DNAAF5: variants seen among roughly 807,000 people sequenced by gnomAD.
DNAAF5 encodes the protein dynein axonemal assembly factor 5, also known as HEAT repeat containing 2.
In DNAAF5, 64 loss-of-function variants were observed where a neutral mutation model predicts 75.8. That is an observed-to-expected ratio of 0.84 (90% CI 0.69 to 1.04). DNAAF5 has a LOEUF of 1.04. Ranked by LOEUF, DNAAF5 falls within the 50% of genes least tolerant of loss-of-function variation. The pLI, the probability that DNAAF5 is intolerant of heterozygous loss-of-function variation, is 0.00. For missense variants in DNAAF5, 1,269 were observed against 1,178.5 expected, an observed-to-expected ratio of 1.08 and a Z score of -1.12; for synonymous variants, 657 against 557.2, an observed-to-expected ratio of 1.18 and a Z score of -2.52.
chr7:778,883 G>T (rs1319407807), intron 11 of DNAAF5, among the ~76,000 whole-genome samples: 8 of 152,114 alleles, frequency 5.3e-5, no homozygotes, highest in Admixed American at 1.3e-4. Flanking sequence ...GAGCATACCC[G>T]CTGTGCAGTG....
chr7:778,073 A>C (rs958296608), intron 11 of DNAAF5: 1 of 151,632 alleles, frequency 6.6e-6, no homozygotes, highest in Non-Finnish European at 1.5e-5. Flanking sequence ...CGCCTGCTGA[A>C]CTCTGAGGTC....
At chr7:775,289 C>A in intron 11 of DNAAF5, 127 bp downstream of exon 11, 1 of 853,716 alleles carries the variant, frequency 1.2e-6, no homozygotes, top group Admixed American at 2.1e-5. Context: ...TGTGGTGGTT[C>A]ACACCTTTAA....
At chr7:735,600 C>A (rs955396595) in intron 2 of DNAAF5, among the ~76,000 whole-genome samples, 1 of 152,198 alleles carries the variant, frequency 6.6e-6, no homozygotes, top group Admixed American at 6.5e-5. Flanking sequence ...TGCTCACAGT[C>A]TCTAATGATG....
chr7:772,611 G>T (rs550504968), intron 9 of DNAAF5: 1 of 152,216 alleles, frequency 6.6e-6, no homozygotes, highest in Non-Finnish European at 1.5e-5. Flanking sequence ...GCTCTGCAGC[G>T]TCTTCGGGTC....
At chr7:748,322 A>G (rs62432223) in intron 4 of DNAAF5, among the ~76,000 whole-genome samples, 118,449 of 149,188 alleles carry the variant, frequency 0.79, 46,936 homozygotes, top group South Asian at 0.86. Flanking sequence ...GTGTCCGGCT[A>G]GTGTGCAGTG....
At chr7:742,336 GC>G in intron 4 of DNAAF5, among the ~76,000 whole-genome samples, 1 of 150,836 alleles carries the variant, frequency 6.6e-6, no homozygotes. Context: ...CAAATCAGAC[GC>G]CCAGCTCAAA....
intron 2 of DNAAF5, among the ~76,000 whole-genome samples, chr7:740,538 G>A (rs553054013): frequency 1.3e-5 from 2 of 152,320 alleles, no homozygotes; most frequent in East Asian, 1.9e-4. Flanking sequence ...GCCGGGGCAC[G>A]GGGTATGTGT....
chr7:751,105 C>T (rs902109301), intron 4 of DNAAF5, among the ~76,000 whole-genome samples: 2 of 152,046 alleles, frequency 1.3e-5, no homozygotes, highest in Admixed American at 6.6e-5. Flanking sequence ...GAGCTGAGAT[C>T]GCACCATTGC....
Position 761,883 on chromosome 7 carries a change from G to A in DNAAF5, c.1601G>A (p.Gly534Asp), listed in dbSNP as rs1258388026. The change falls in exon 7 of 13, where the codon GGC (glycine) becomes GAC (aspartate). Residue 534 changes from glycine (G) to aspartate (D), a missense_variant. Coordinates refer to ENST00000297440, the MANE Select transcript of DNAAF5 (RefSeq NM_017802.4). ...LTIVALAGAT[G>D]LRDKAQETMD... ...ATAGTGGCCCTCGCAGGTGCTACCG[G>A]CCTGAGGGACAAGGTAAGGCTGACA... The A allele has an allele frequency of 6.3e-7, 1 of 1,575,468 alleles. No individual in the cohort carries two copies. Among genetic ancestry groups the A allele is most frequent in the Non-Finnish European group, 8.6e-7 (1 of 1,161,044 alleles).
At chr7:758,194 G>C (rs1428668302) in intron 6 of DNAAF5, among the ~76,000 whole-genome samples, 1 of 152,240 alleles carries the variant, frequency 6.6e-6, no homozygotes, top group Non-Finnish European at 1.5e-5. Flanking sequence ...GGGTTATGAG[G>C]ATGCCTTTGA....
chr7:774,190 G>A lies in DNAAF5; in HGVS notation c.2074G>A (p.Ala692Thr). 1 of 1,607,414 alleles carries A rather than the reference G, an allele frequency of 6.2e-7. No individual in the cohort carries two copies. ...GCTCACCAGCAGCGAGGTCCTGTCG[G>A]CAGAGCAGGTACGGGGCTCCCTGCG... ...WALTSSEVLS[A>T]EQIRDVQETL... is the part of the protein sequence containing the mutation. Residue 692 changes from alanine to threonine, a missense_variant, in exon 10 of 13, where the codon GCA becomes ACA. Transcript: ENST00000297440.
Position 726,827 on chromosome 7 carries a change from C to G in DNAAF5, c.107C>G (p.Pro36Arg). ...ELSRALSRLL[P>R]GLEADSKPGR... The stretch of plus-strand genomic sequence containing the variant: ...AGCCGCGCCCTGAGCCGCCTGCTGC[C>G]GGGGCTGGAGGCCGACAGCAAGCCG... Residue 36 changes from proline (P) to arginine (R), a missense_variant, in exon 1 of 13, where the codon CCG becomes CGG. Coordinates refer to ENST00000297440, the MANE Select transcript of DNAAF5 (RefSeq NM_017802.4). 1 of 1,326,944 alleles carries G rather than the reference C, an allele frequency of 7.5e-7. No individual in the cohort carries two copies. Among genetic ancestry groups the G allele is most frequent in the South Asian group, 2.0e-5 (1 of 49,532 alleles). 82.2% of individuals were successfully genotyped at this position (1,326,944 alleles called of 1,614,324 possible).
At chr7:758,146 G>A (rs1318384956) in intron 6 of DNAAF5, among the ~76,000 whole-genome samples, 2 of 152,198 alleles carry the variant, frequency 1.3e-5, no homozygotes, top group Non-Finnish European at 2.9e-5. Context: ...ACACATCATC[G>A]AATGTGTGTC....
At chr7:779,295 G>T (rs908708549) in intron 11 of DNAAF5, among the ~76,000 whole-genome samples, 1 of 152,082 alleles carries the variant, frequency 6.6e-6, no homozygotes, top group Non-Finnish European at 1.5e-5. Flanking sequence ...GGCATGGGCA[G>T]CTGCCCCTCC....
intron 9 of DNAAF5, chr7:771,260 G>A (rs1046442942): frequency 2.6e-5 from 4 of 152,292 alleles, no homozygotes; most frequent in Non-Finnish European, 5.9e-5. Context: ...TGAAGTAAGG[G>A]CAAGAAGCAT....
In DNAAF5 at chr7:786,157, C is replaced by T. The variant is rs1450869309; in HGVS notation, c.*504C>T. ...AGAATCCTAACAACTTATCAGATTT[C>T]TCCTGTTTTAAATATACTGGGACTT... On this transcript the variant is annotated 3_prime_UTR_variant, in exon 13 of 13. Coordinates refer to ENST00000297440, the MANE Select transcript of DNAAF5 (RefSeq NM_017802.4). 1 of 153,212 alleles carries T rather than the reference C, an allele frequency of 6.5e-6. No individual in the cohort carries two copies. Among genetic ancestry groups the T allele is most frequent in the Non-Finnish European group, 1.5e-5 (1 of 68,834 alleles). 9.5% of individuals were successfully genotyped at this position (153,212 alleles called of 1,614,324 possible). A position where few individuals can be genotyped will look rare whatever the true frequency, so the allele number is the denominator to read the frequency against.
At chr7:758,153 T>C (rs921622660) in intron 6 of DNAAF5, among the ~76,000 whole-genome samples, 1 of 152,250 alleles carries the variant, frequency 6.6e-6, no homozygotes, top group Middle Eastern at 3.2e-3. Flanking sequence ...ATCGAATGTG[T>C]GTCAGTTCTC....
At chr7:784,847 T>G (rs1583531282) in intron 12 of DNAAF5, among the ~76,000 whole-genome samples, 1 of 152,208 alleles carries the variant, frequency 6.6e-6, no homozygotes, top group East Asian at 1.9e-4. Context: ...CAGGACATCA[T>G]TTCATGGTCT....
chr7:762,379 CA>C (rs1782687090), intron 7 of DNAAF5, among the ~76,000 whole-genome samples: 1 of 151,530 alleles, frequency 6.6e-6, no homozygotes, highest in East Asian at 2.0e-4. Flanking sequence ...CCCAGCTACT[CA>C]GGAGGCTGAG....
Sources: allele counts gnomAD v4.1 joint callset (sites outside exome capture counted in the v4.1 genomes callset), GRCh38; gene constraint gnomAD v4.1.1; transcripts MANE v1.5; gene names NCBI Gene and HGNC (gene_info 2026-07-23, HGNC 2026-07-21).